Variants in KCNIP4 observed in about 807,000 individuals in gnomAD.
KCNIP4 encodes the protein Kv channel-interacting protein 4.
Under a neutral mutation model 34.0 loss-of-function variants are expected in KCNIP4, and 12 were observed. That is an observed-to-expected ratio of 0.35 (90% CI 0.23 to 0.57). The LOEUF is 0.57. Among genes scored for constraint, KCNIP4 ranks in the 20% least tolerant of loss-of-function variants. The pLI is 0.83. For missense variants in KCNIP4, 238 were observed against 311.7 expected (o/e 0.76, Z 1.78); for synonymous variants, 124 against 102.2 (o/e 1.21, Z -1.29).
intron 1 of KCNIP4, among the ~76,000 whole-genome samples, chr4:21,541,025 G>T (rs1466823687): frequency 6.6e-6 from 1 of 151,910 alleles, no homozygotes; most frequent in East Asian, 1.9e-4. Flanking sequence ...ACAAAAATTT[G>T]CCAGGCATGG....
At chr4:20,800,494 A>G (rs1907497) in intron 3 of KCNIP4, among the ~76,000 whole-genome samples, 73,680 of 152,082 alleles carry the variant, frequency 0.48, 18,185 homozygotes, top group East Asian at 0.7. Context: ...TTTATTATTA[A>G]CAAGACACAA....
At chr4:21,837,543 AAAAAG>A (rs1225901959) in intron 1 of KCNIP4, among the ~76,000 whole-genome samples, 1 of 149,580 alleles carries the variant, frequency 6.7e-6, no homozygotes, top group East Asian at 2.0e-4. Flanking sequence ...AAAAAAAAAA[AAAAAG>A]AAAAAGAAAA....
chr4:20,948,181 A>G (rs1477219625), intron 1 of KCNIP4, among the ~76,000 whole-genome samples: 9 of 152,220 alleles, frequency 5.9e-5, no homozygotes, highest in Admixed American at 3.3e-4. Flanking sequence ...TTCATTTGCA[A>G]TATTTCCAAG....
chr4:20,937,826 T>C (rs914370444), intron 1 of KCNIP4, among the ~76,000 whole-genome samples: 1 of 152,196 alleles, frequency 6.6e-6, no homozygotes, highest in Admixed American at 6.5e-5. Flanking sequence ...ATTTCAGAAA[T>C]AAGTAATTAG....
intron 3 of KCNIP4, among the ~76,000 whole-genome samples, chr4:20,761,652 C>T (rs1754972417): frequency 6.6e-6 from 1 of 152,116 alleles, no homozygotes; most frequent in Admixed American, 6.6e-5. Context: ...AAGAGGACTT[C>T]AAGCAAAGGG....
Position 21,694,943 on chromosome 4 carries a change from A to AAAAAAAAAAAAAAAAAAAC in KCNIP4, c.61+253627_61+253628insGTTTTTTTTTTTTTTTTTT, listed in dbSNP as rs1560637409. Among the ~76,000 whole-genome samples, 3 of 45,336 alleles carry AAAAAAAAAAAAAAAAAAAC rather than the reference A, an allele frequency of 6.6e-5. 1 individual carries two copies. Among genetic ancestry groups the AAAAAAAAAAAAAAAAAAAC allele is most frequent in the African/African-American group, 1.7e-4 (3 of 18,044 alleles). The allele number at this position is 45,336 out of a possible 152,430, so 29.7% of individuals were successfully genotyped here. On this transcript the variant is annotated intron_variant, in intron 1 of 8. Transcript: ENST00000382152. ...AAAAAAAAAAAAATAAAAATAAATA[A>AAAAAAAAAAAAAAAAAAAC]ATAAATAAAGGGCTTTTTGGTAAAA...
intron 1 of KCNIP4, among the ~76,000 whole-genome samples, chr4:21,666,254 T>C (rs933617879): frequency 1.3e-5 from 2 of 152,234 alleles, no homozygotes; most frequent in East Asian, 3.8e-4. Flanking sequence ...GACAGCTTGA[T>C]GAGAAGATAT....
chr4:20,959,837 G>C (rs1207940073), intron 1 of KCNIP4, among the ~76,000 whole-genome samples: 2 of 152,138 alleles, frequency 1.3e-5, no homozygotes, highest in Non-Finnish European at 2.9e-5. Flanking sequence ...GTAACCTTGG[G>C]TGCAATCCTT....
intron 3 of KCNIP4, among the ~76,000 whole-genome samples, chr4:20,843,896 A>C (rs1578755651): frequency 6.6e-6 from 1 of 152,216 alleles, no homozygotes; most frequent in African/African-American, 2.4e-5. Context: ...AATGCATAAC[A>C]TAAACTAATG....
intron 1 of KCNIP4, among the ~76,000 whole-genome samples, chr4:21,837,184 TG>T (rs1337235616): frequency 0.029 from 8 of 278 alleles, no homozygotes; most frequent in African/African-American, 0.098. Flanking sequence ...CCCAAAGTGC[TG>T]GGAATTACAG....
chr4:20,884,691 G>A (rs1451410686), intron 1 of KCNIP4, among the ~76,000 whole-genome samples: 1 of 144,682 alleles, frequency 6.9e-6, no homozygotes, highest in Non-Finnish European at 1.5e-5. Context: ...CTCAACTTCT[G>A]TATCCCAGTG....
intron 1 of KCNIP4, among the ~76,000 whole-genome samples, chr4:21,803,746 T>C (rs1344397655): frequency 6.6e-6 from 1 of 152,182 alleles, no homozygotes; most frequent in Non-Finnish European, 1.5e-5. Flanking sequence ...ACCCCTGTTA[T>C]ACAAACAGGC....
chr4:20,743,403 T>C (rs540141766), intron 5 of KCNIP4, among the ~76,000 whole-genome samples: 62 of 152,312 alleles, frequency 4.1e-4, no homozygotes, highest in Non-Finnish European at 8.7e-4. Flanking sequence ...AACAGCATGG[T>C]ACTGGTACCA....
chr4:21,483,469 A>G (rs1731624613), intron 1 of KCNIP4, among the ~76,000 whole-genome samples: 2 of 147,586 alleles, frequency 1.4e-5, no homozygotes, highest in South Asian at 4.5e-4. Flanking sequence ...TGTTCTCACG[A>G]TAGAGTTCTC....
chr4:21,295,727 C>G (rs1279576644), intron 1 of KCNIP4, among the ~76,000 whole-genome samples: 2 of 152,026 alleles, frequency 1.3e-5, no homozygotes, highest in Non-Finnish European at 2.9e-5. Flanking sequence ...TAAATAACAC[C>G]CTGTTTCTGT....
intron 1 of KCNIP4, among the ~76,000 whole-genome samples, chr4:21,295,618 GA>G (rs1218599086): frequency 1.3e-5 from 2 of 151,952 alleles, no homozygotes; most frequent in Non-Finnish European, 1.5e-5. Flanking sequence ...CCTTTGCCTG[GA>G]ATGCTCTTAT....
At chr4:21,210,649 C>T (rs1757154336) in intron 1 of KCNIP4, among the ~76,000 whole-genome samples, 1 of 152,024 alleles carries the variant, frequency 6.6e-6, no homozygotes, top group African/African-American at 2.4e-5. Context: ...ATGTGCAGAA[C>T]TTTATATTAC....
chr4:20,869,203 AG>A (rs1299564427), intron 2 of KCNIP4, among the ~76,000 whole-genome samples: 4 of 152,164 alleles, frequency 2.6e-5, no homozygotes, highest in Admixed American at 2.0e-4. Flanking sequence ...TGATGACAAA[AG>A]TATTCTGCAC....
intron 1 of KCNIP4, among the ~76,000 whole-genome samples, chr4:21,179,182 T>G (rs1021315004): frequency 2.0e-5 from 3 of 152,210 alleles, no homozygotes; most frequent in African/African-American, 7.2e-5. Context: ...GACCCCATAT[T>G]CTAAGACTCA....
Sources: gnomAD v4.1 joint callset for allele counts (sites outside exome capture counted in the v4.1 genomes callset) on GRCh38, gnomAD v4.1.1 for gene constraint, MANE v1.5 for transcripts, NCBI Gene and HGNC (gene_info 2026-07-23, HGNC 2026-07-21) for gene names.